RGS7: variants seen among roughly 807,000 people sequenced by gnomAD.
RGS7 encodes the protein regulator of G protein signaling 7, also known as regulator of G-protein signaling 7.
RGS7 carries 27 observed loss-of-function variants against 81.1 expected under a neutral mutation model. That is an observed-to-expected ratio of 0.33 (90% CI 0.25 to 0.46). The LOEUF is 0.46. Among genes scored for constraint, RGS7 ranks in the 20% least tolerant of loss-of-function variants. The pLI is 1.00. For missense variants in RGS7, 396 were observed against 607.4 expected, an observed-to-expected ratio of 0.65 and a Z score of 3.66; for synonymous variants, 208 against 207.7, an observed-to-expected ratio of 1.00 and a Z score of -0.01.
At chr1:241,322,189 C>T (rs970294758) in intron 2 of RGS7, among the ~76,000 whole-genome samples, 2 of 152,232 alleles carry the variant, frequency 1.3e-5, no homozygotes, top group Admixed American at 1.3e-4. Flanking sequence ...GCCACCTCTA[C>T]CACATCTTGC....
chr1:241,068,264 T>TATATATATATATA (rs60506601), intron 3 of RGS7, among the ~76,000 whole-genome samples: 1 of 100,734 alleles, frequency 9.9e-6, no homozygotes, highest in African/African-American at 3.7e-5. Context: ...ATATAAAATA[T>TATATATATATATA]TGTGTATATA....
In RGS7 at chr1:240,944,274, GTGTGTGTGTATATATATATATATATATA is replaced by G. The variant is rs1405820388; in HGVS notation, c.227-7596_227-7569del. ...TGTTATATTATATGTGTGTGTGTGT[GTGTGTGTGTATATATATATATATATATA>G]TATATATATATATATATATATATAT... On this transcript the variant is annotated intron_variant, in intron 4 of 18. Coordinates refer to ENST00000440928, the MANE Select transcript of RGS7 (RefSeq NM_001364886.1). Among the ~76,000 whole-genome samples the G allele has an allele frequency of 5.9e-3, 111 of 18,824 alleles. 5 individuals carry two copies. Among genetic ancestry groups the G allele is most frequent in the African/African-American group, 0.014 (103 of 7,532 alleles). 12.3% of individuals were successfully genotyped at this position (18,824 alleles called of 152,430 possible). A position where few individuals can be genotyped will look rare whatever the true frequency, so the allele number is the denominator to read the frequency against.
At chr1:240,796,888 C>CT (rs1210676886) in intron 18 of RGS7, among the ~76,000 whole-genome samples, 1 of 152,154 alleles carries the variant, frequency 6.6e-6, no homozygotes, top group Non-Finnish European at 1.5e-5. Context: ...GAGGCATCAT[C>CT]TTTTTTCTAT....
intron 2 of RGS7, among the ~76,000 whole-genome samples, chr1:241,120,195 T>C (rs777180105): frequency 1.1e-4 from 16 of 152,228 alleles, no homozygotes; most frequent in Non-Finnish European, 1.8e-4. Context: ...CTCAGGCCTC[T>C]AAGGCATTGC....
At chr1:240,833,443 G>A (rs1189625657) in intron 9 of RGS7, among the ~76,000 whole-genome samples, 1 of 152,196 alleles carries the variant, frequency 6.6e-6, no homozygotes. Flanking sequence ...ATAAGGGGGA[G>A]CTACTGTATT....
At chr1:240,828,648 AT>A (rs376812399) in intron 9 of RGS7, among the ~76,000 whole-genome samples, 78 of 152,286 alleles carry the variant, frequency 5.1e-4, no homozygotes, top group African/African-American at 1.8e-3. Flanking sequence ...TTAGCAGGAC[AT>A]GGTGGCAGGC....
At chr1:241,106,244 G>A (rs569919692) in intron 2 of RGS7, among the ~76,000 whole-genome samples, 38 of 152,234 alleles carry the variant, frequency 2.5e-4, no homozygotes, top group African/African-American at 9.1e-4. Context: ...TAATTGATAT[G>A]ATTTTTCCCC....
intron 2 of RGS7, among the ~76,000 whole-genome samples, chr1:241,247,488 TC>T (rs1259389675): frequency 1.3e-5 from 2 of 152,094 alleles, no homozygotes; most frequent in African/African-American, 4.8e-5. Context: ...GATCTCTCTT[TC>T]CCCCACAGGT....
chr1:241,236,663 A>G lies in RGS7; in HGVS notation c.78+119036T>C, dbSNP rs184944588. ...TGACAGAATATAAAGATTCTAGGACAAATCAAACCCAAGTGAAAGTTTCCA... is the reference window on the plus strand; with the variant it reads ...TGACAGAATATAAAGATTCTAGGACGAATCAAACCCAAGTGAAAGTTTCCA... On this transcript the variant is annotated intron_variant, in intron 2 of 18. Coordinates refer to ENST00000440928, the MANE Select transcript of RGS7 (RefSeq NM_001364886.1). 1.5e-3 allele frequency among the ~76,000 whole-genome samples: 226 copies of G among 152,350 alleles called. 2 individuals are homozygous for G. The highest frequency in any genetic ancestry group is 5.2e-3 in the African/African-American group (218 of 41,572).
intron 3 of RGS7, among the ~76,000 whole-genome samples, chr1:241,026,174 T>C (rs2059771968): frequency 6.6e-6 from 1 of 152,234 alleles, no homozygotes; most frequent in African/African-American, 2.4e-5. Context: ...TCTTATTATA[T>C]TTTGCCTTCC....
intron 9 of RGS7, among the ~76,000 whole-genome samples, chr1:240,866,307 C>A (rs1370814763): frequency 1.3e-5 from 2 of 151,874 alleles, no homozygotes; most frequent in African/African-American, 2.4e-5. Flanking sequence ...GTCAGGAGAT[C>A]GAGATCATCC....
chr1:241,101,708 A>G (rs763885575), intron 2 of RGS7, among the ~76,000 whole-genome samples: 3 of 152,144 alleles, frequency 2.0e-5, no homozygotes, highest in African/African-American at 7.2e-5. Context: ...GACCTGCCAC[A>G]ATGTTCAGAA....
intron 12 of RGS7, among the ~76,000 whole-genome samples, chr1:240,814,060 A>G (rs1690361662): frequency 6.6e-6 from 1 of 152,224 alleles, no homozygotes; most frequent in Non-Finnish European, 1.5e-5. Context: ...CAGTCCACCC[A>G]CAGCAGAACA....
At chr1:241,135,284 G>A (rs957487982) in intron 2 of RGS7, among the ~76,000 whole-genome samples, 40 of 152,184 alleles carry the variant, frequency 2.6e-4, no homozygotes, top group Non-Finnish European at 5.6e-4. Flanking sequence ...ATAATTAGCC[G>A]GATGTAGTGG....
intron 3 of RGS7, among the ~76,000 whole-genome samples, chr1:241,048,174 T>C (rs12094938): frequency 0.28 from 42,180 of 151,964 alleles, 6,208 homozygotes; most frequent in African/African-American, 0.33. Flanking sequence ...AGTGTCCCTG[T>C]GTTGTCACCT....
At chr1:241,239,523 C>G (rs908405588) in intron 2 of RGS7, among the ~76,000 whole-genome samples, 2 of 152,172 alleles carry the variant, frequency 1.3e-5, no homozygotes, top group Non-Finnish European at 2.9e-5. Context: ...TAATCTGACT[C>G]TTTTCTTGTT....
At chr1:240,866,923 G>A (rs1663409624) in intron 9 of RGS7, among the ~76,000 whole-genome samples, 4 of 152,120 alleles carry the variant, frequency 2.6e-5, no homozygotes, top group African/African-American at 9.7e-5. Flanking sequence ...AGCTAAACGA[G>A]GCTAGAGATG....
At chr1:241,083,055 T>C (rs2063228566) in intron 3 of RGS7, among the ~76,000 whole-genome samples, 1 of 151,692 alleles carries the variant, frequency 6.6e-6, no homozygotes. Context: ...TGAAACCCTG[T>C]CTCTACTAAA....
chr1:240,944,717 T>G (rs910219691), intron 4 of RGS7, among the ~76,000 whole-genome samples: 9 of 152,128 alleles, frequency 5.9e-5, no homozygotes, highest in Non-Finnish European at 1.5e-5. Context: ...GTAAGTCACT[T>G]CCTTTCTTTT....
Sources: allele counts gnomAD v4.1 joint callset (sites outside exome capture counted in the v4.1 genomes callset), GRCh38; gene constraint gnomAD v4.1.1; transcripts MANE v1.5; gene names NCBI Gene and HGNC (gene_info 2026-07-23, HGNC 2026-07-21).